Variants in PLA2G12B observed in about 807,000 individuals in gnomAD.
The protein encoded by PLA2G12B is phospholipase A2 group XIIB, also known as group XIIB secretory phospholipase A2-like protein.
A neutral mutation model predicts 22.3 loss-of-function variants in PLA2G12B; 19 were observed. That is an observed-to-expected ratio of 0.85 (90% CI 0.60 to 1.25). PLA2G12B has a LOEUF of 1.25. PLA2G12B is among the 50% of genes most tolerant of loss of function. The pLI is 0.00. For missense variants in PLA2G12B, 191 were observed against 246.6 expected (o/e 0.77, Z 1.51); for synonymous variants, 81 against 94.9 (o/e 0.85, Z 0.85).
chr10:72,954,393 G>T, intron 1 of PLA2G12B, 82 bp downstream of exon 1: 2 of 1,558,542 alleles, frequency 1.3e-6, no homozygotes, highest in Non-Finnish European at 1.8e-6. Flanking sequence ...AGGAAAAAGT[G>T]CAAGACAGAT....
intron 3 of PLA2G12B, among the ~76,000 whole-genome samples, chr10:72,937,959 C>G (rs984224114): frequency 6.6e-6 from 1 of 151,694 alleles, no homozygotes; most frequent in African/African-American, 2.4e-5. Context: ...ACTAAAAATA[C>G]AAAAATTAGC....
At chr10:72,945,654 T>G (rs984130813) in intron 1 of PLA2G12B, among the ~76,000 whole-genome samples, 1 of 98,040 alleles carries the variant, frequency 1.0e-5, no homozygotes, top group African/African-American at 1.3e-4. Context: ...CATTATGATG[T>G]TTTTTTTTTT....
chr10:72,940,618 G>A (rs940641709), intron 3 of PLA2G12B, among the ~76,000 whole-genome samples: 1 of 152,080 alleles, frequency 6.6e-6, no homozygotes, highest in Admixed American at 6.5e-5. Context: ...GTTGTAGTGA[G>A]CTGAGATCCC....
At chr10:72,943,215 CT>C (rs1264548900) in intron 1 of PLA2G12B, among the ~76,000 whole-genome samples, 1 of 152,212 alleles carries the variant, frequency 6.6e-6, no homozygotes, top group Non-Finnish European at 1.5e-5. Flanking sequence ...ATCCACCCGC[CT>C]TGGCCTCCCA....
intron 3 of PLA2G12B, among the ~76,000 whole-genome samples, chr10:72,940,611 G>A (rs1427600059): frequency 2.0e-5 from 3 of 152,102 alleles, no homozygotes; most frequent in Non-Finnish European, 4.4e-5. Context: ...AGCAGAGGTT[G>A]TAGTGAGCTG....
intron 1 of PLA2G12B, among the ~76,000 whole-genome samples, chr10:72,948,280 C>G (rs978583967): frequency 2.0e-5 from 3 of 152,210 alleles, no homozygotes; most frequent in African/African-American, 7.2e-5. Flanking sequence ...TGATAACTCA[C>G]AGAAGATAAA....
intron 1 of PLA2G12B, among the ~76,000 whole-genome samples, chr10:72,953,753 A>T (rs1234603362): frequency 6.6e-6 from 1 of 152,154 alleles, no homozygotes; most frequent in Non-Finnish European, 1.5e-5. Flanking sequence ...ATATTCAGGC[A>T]AGGTAGGGGA....
At chr10:72,937,188 C>A (rs888733405) in intron 3 of PLA2G12B, among the ~76,000 whole-genome samples, 5 of 151,870 alleles carry the variant, frequency 3.3e-5, no homozygotes, top group African/African-American at 9.7e-5. Context: ...CCAGCCTGGG[C>A]GACAGAGCGA....
chr10:72,952,224 G>C lies in PLA2G12B; in HGVS notation c.211+2251C>G, dbSNP rs1846543639. Among the ~76,000 whole-genome samples the C allele has an allele frequency of 2.0e-5, 3 of 152,226 alleles. 1 individual carries two copies. The South Asian group carries it at 6.2e-4, about 31-fold the overall frequency. ...AAAGGTAAAATCTGGCTGGTGCCGT[G>C]GCTCACGCCTATAATCCCAGCAATC... On this transcript the variant is annotated intron_variant, in intron 1 of 3. Transcript: ENST00000373032.
intron 1 of PLA2G12B, 49 bp downstream of exon 1, chr10:72,954,426 A>G (rs759714255): frequency 1.2e-6 from 2 of 1,612,306 alleles, no homozygotes; most frequent in Non-Finnish European, 1.7e-6. Context: ...GGGGCTGTCC[A>G]TGGGTCCACC....
Position 72,935,784 on chromosome 10 carries a change from T to C in PLA2G12B, c.467-46A>G, listed in dbSNP as rs756055067. ...ACAGAAAGGTTAACCCTGAGTAATT[T>C]TGAAGAGTATTTCCAGGCATGACAT... On this transcript the variant is annotated intron_variant, in intron 3 of 3. Coordinates refer to ENST00000373032, the MANE Select transcript of PLA2G12B (RefSeq NM_032562.5). 6 of 1,595,096 alleles carry C rather than the reference T, an allele frequency of 3.8e-6. No homozygotes were observed. In the African/African-American group the frequency reaches 4.0e-5, roughly 11 times the overall value.
intron 1 of PLA2G12B, among the ~76,000 whole-genome samples, chr10:72,953,089 C>T (rs1846558259): frequency 6.6e-6 from 1 of 152,200 alleles, no homozygotes; most frequent in Non-Finnish European, 1.5e-5. Context: ...AATCCAGTGG[C>T]AAGGCCTCTG....
chr10:72,946,348 C>A (rs1017408770), intron 1 of PLA2G12B, among the ~76,000 whole-genome samples: 3 of 152,130 alleles, frequency 2.0e-5, no homozygotes, highest in African/African-American at 7.2e-5. Flanking sequence ...ATTTTTTTAC[C>A]CATTCATCGG....
At chr10:72,949,664 G>A (rs1327696494) in intron 1 of PLA2G12B, among the ~76,000 whole-genome samples, 1 of 152,166 alleles carries the variant, frequency 6.6e-6, no homozygotes, top group East Asian at 1.9e-4. Context: ...CCAACTAGCT[G>A]TCTCAAACAT....
chr10:72,951,998 G>T (rs1346335256), intron 1 of PLA2G12B, among the ~76,000 whole-genome samples: 1 of 152,188 alleles, frequency 6.6e-6, no homozygotes, highest in Admixed American at 6.5e-5. Flanking sequence ...CTCTAAGAAT[G>T]ACGTCATAGA....
chr10:72,953,114 C>T (rs933039198), intron 1 of PLA2G12B, among the ~76,000 whole-genome samples: 4 of 152,196 alleles, frequency 2.6e-5, no homozygotes, highest in Admixed American at 2.6e-4. Context: ...GGTCCAACTG[C>T]CTTGGACAAA....
chr10:72,947,596 T>C (rs1846463610), intron 1 of PLA2G12B, among the ~76,000 whole-genome samples: 1 of 152,212 alleles, frequency 6.6e-6, no homozygotes, highest in Admixed American at 6.5e-5. Context: ...CCTTAAAGTA[T>C]GCAATTAAAT....
intron 2 of PLA2G12B, 45 bp from the exon 3 acceptor site, chr10:72,941,379 C>G: frequency 6.3e-7 from 1 of 1,577,684 alleles, no homozygotes; most frequent in East Asian, 2.2e-5. Context: ...AGAAATGCCA[C>G]GTTTAGACTA....
At chr10:72,942,831 A>G (rs1056529119) in intron 1 of PLA2G12B, 91 bp from the exon 2 acceptor site, 4 of 1,173,146 alleles carry the variant, frequency 3.4e-6, no homozygotes, top group African/African-American at 3.1e-5. Context: ...TTCTAAAAGC[A>G]TATTTCACTT....
Sources: gnomAD v4.1 joint callset for allele counts (sites outside exome capture counted in the v4.1 genomes callset) on GRCh38, gnomAD v4.1.1 for gene constraint, MANE v1.5 for transcripts, NCBI Gene and HGNC (gene_info 2026-07-23, HGNC 2026-07-21) for gene names.